STXBP4: variants seen among roughly 807,000 people sequenced by gnomAD.
STXBP4 encodes the protein syntaxin binding protein 4, also known as syntaxin-binding protein 4.
Under a neutral mutation model 76.1 loss-of-function variants are expected in STXBP4, and 55 were observed. That is an observed-to-expected ratio of 0.72 (90% confidence interval 0.58 to 0.91). The LOEUF (loss-of-function observed/expected upper bound fraction) is 0.91, where lower values mean the gene tolerates loss of function less well. Ranked by LOEUF, STXBP4 falls within the 40% of genes least tolerant of loss-of-function variation. The pLI is 0.00. For synonymous variants in STXBP4, 201 were observed against 220.2 expected (o/e 0.91, Z 0.77); for missense variants, 618 against 636.9 (o/e 0.97, Z 0.32).
At chr17:55,135,617 T>C (rs1268473867) in intron 16 of STXBP4, among the ~76,000 whole-genome samples, 1 of 152,170 alleles carries the variant, frequency 6.6e-6, no homozygotes, top group Non-Finnish European at 1.5e-5. Context: ...TCCTTTTTCA[T>C]AGGAAAATTA....
rs761617777 is a variant in STXBP4, at chr17:54,999,396, A to G, written c.232A>G (p.Met78Val). ...ACTTGTCTCAGTCAACAAGGAATCT[A>G]TGATTGGTGTATCATTTGAAGAAGC... ...DQLVSVNKES[M>V]IGVSFEEAKS... is the part of the protein sequence containing the mutation. The change falls in exon 5 of 18, where the codon ATG becomes GTG. Residue 78 changes from methionine to valine, a missense_variant. Coordinates refer to ENST00000376352, the MANE Select transcript of STXBP4 (RefSeq NM_178509.6). The G allele has an allele frequency of 3.1e-6, 5 of 1,613,338 alleles. No homozygotes were observed. In the South Asian group the frequency reaches 4.4e-5, roughly 14 times the overall value.
At chr17:55,202,764 T>A in the STXBP4 span, among the ~76,000 whole-genome samples, 4 of 152,164 alleles carry the variant, frequency 2.6e-5, no homozygotes, top group African/African-American at 9.6e-5. Flanking sequence ...TTTATGTGAT[T>A]CCATTGGTGA....
chr17:55,054,425 G>A (rs1435675643), intron 12 of STXBP4, among the ~76,000 whole-genome samples: 2 of 152,010 alleles, frequency 1.3e-5, no homozygotes, highest in Admixed American at 6.6e-5. Flanking sequence ...GGAGGTGGAG[G>A]CTGCAGTGAG....
intron 17 of STXBP4, among the ~76,000 whole-genome samples, chr17:55,156,540 C>T (rs921429503): frequency 6.6e-6 from 1 of 152,176 alleles, no homozygotes; most frequent in African/African-American, 2.4e-5. Context: ...TTGAATGTCT[C>T]CTCTCTGCCA....
chr17:54,991,757 T>C (rs1174805792), intron 4 of STXBP4: 1 of 150,300 alleles, frequency 6.7e-6, no homozygotes, highest in Non-Finnish European at 1.5e-5. Context: ...CTCCATTTGA[T>C]TGACTCCATT....
chr17:55,034,724 G>T (rs185083756), intron 10 of STXBP4, among the ~76,000 whole-genome samples: 4 of 151,994 alleles, frequency 2.6e-5, no homozygotes, highest in African/African-American at 7.2e-5. Context: ...ATGCTCTCCT[G>T]CCCCCAGGTT....
intron 10 of STXBP4, among the ~76,000 whole-genome samples, chr17:55,042,708 ATTATC>A (rs1346288776): frequency 1.3e-5 from 2 of 152,090 alleles, no homozygotes; most frequent in African/African-American, 2.4e-5. Context: ...AATTATTAAT[ATTATC>A]TTCAATCTAC....
chr17:55,144,292 G>A (rs1249263265), intron 17 of STXBP4, among the ~76,000 whole-genome samples: 1 of 152,128 alleles, frequency 6.6e-6, no homozygotes, highest in African/African-American at 2.4e-5. Flanking sequence ...AAGGAATGGG[G>A]TGTTTGGCAT....
intron 9 of STXBP4, 124 bp from the exon 10 acceptor site, chr17:55,034,044 G>A (rs1319996173): frequency 1.6e-6 from 1 of 616,162 alleles, no homozygotes; most frequent in African/African-American, 1.8e-5. Flanking sequence ...TATCACTTCA[G>A]TCAATACTAT....
intron 16 of STXBP4, among the ~76,000 whole-genome samples, chr17:55,095,502 G>A (rs1035766829): frequency 2.6e-5 from 4 of 152,238 alleles, no homozygotes; most frequent in East Asian, 1.9e-4. Context: ...TCTCAGAAAA[G>A]GCAGCAGTAC....
At chr17:55,205,559 A>C in the STXBP4 span, among the ~76,000 whole-genome samples, 6 of 152,000 alleles carry the variant, frequency 3.9e-5, no homozygotes, top group African/African-American at 1.2e-4. Context: ...ACACACACAC[A>C]CAAACACACA....
chr17:55,101,575 T>C (rs1303316366), intron 16 of STXBP4, among the ~76,000 whole-genome samples: 1 of 152,228 alleles, frequency 6.6e-6, no homozygotes. Context: ...AATGAATGAA[T>C]TCCTCATTAA....
At chr17:54,988,965 G>C (rs1383292295) in intron 3 of STXBP4, among the ~76,000 whole-genome samples, 1 of 152,074 alleles carries the variant, frequency 6.6e-6, no homozygotes, top group African/African-American at 2.4e-5. Flanking sequence ...CAAAAACGGA[G>C]TTCTATGTGC....
At chr17:55,211,047 C>G in the STXBP4 span, among the ~76,000 whole-genome samples, 18 of 152,112 alleles carry the variant, frequency 1.2e-4, no homozygotes, top group African/African-American at 3.4e-4. Flanking sequence ...TTTTCATGTT[C>G]AAAGAGGTGC....
chr17:54,971,248 A>G (rs2077396150), intron 1 of STXBP4, among the ~76,000 whole-genome samples: 1 of 152,234 alleles, frequency 6.6e-6, no homozygotes, highest in African/African-American at 2.4e-5. Flanking sequence ...GTTAATATTT[A>G]TCCAGTATTA....
In STXBP4 at chr17:55,001,034, G is replaced by A. The variant is rs1268240107; in HGVS notation, c.574+151G>A. On this transcript the variant is annotated intron_variant, in intron 7 of 17. Transcript: ENST00000376352. ...AAGTAAAAATAATGTCTTTCCGTTGGGCCCTGTTAAAGTATGACTTTTATT... is the reference window on the plus strand; with the variant it reads ...AAGTAAAAATAATGTCTTTCCGTTGAGCCCTGTTAAAGTATGACTTTTATT... The A allele has an allele frequency of 8.9e-6, 5 of 563,390 alleles. No individual in the cohort carries two copies. In the East Asian group the frequency reaches 1.3e-4, roughly 14 times the overall value. The allele number at this position is 563,390 out of a possible 1,614,324, so 34.9% of individuals were successfully genotyped here.
At chr17:55,179,153 A>G in the STXBP4 span, among the ~76,000 whole-genome samples, 4 of 152,216 alleles carry the variant, frequency 2.6e-5, no homozygotes, top group African/African-American at 4.8e-5. Flanking sequence ...AAAGCTACAT[A>G]TAATTTTTTT....
chr17:55,081,304 A>G, intron 16 of STXBP4, 121 bp downstream of exon 16: 2 of 654,214 alleles, frequency 3.1e-6, no homozygotes, highest in Non-Finnish European at 4.5e-6. Context: ...CTAATCAATA[A>G]AAATATTAAT....
intron 8 of STXBP4, among the ~76,000 whole-genome samples, chr17:55,018,493 GT>G (rs1481633526): frequency 6.6e-6 from 1 of 152,182 alleles, no homozygotes; most frequent in African/African-American, 2.4e-5. Flanking sequence ...CCCAAAGAGG[GT>G]AGTCCGAGTT....
Sources: gnomAD v4.1 joint callset for allele counts (sites outside exome capture counted in the v4.1 genomes callset) on GRCh38, gnomAD v4.1.1 for gene constraint, MANE v1.5 for transcripts, NCBI Gene and HGNC (gene_info 2026-07-23, HGNC 2026-07-21) for gene names.